ADARB2: variants seen among roughly 807,000 people sequenced by gnomAD.
ADARB2 encodes the protein inactive double-stranded RNA-specific editase B2.
A neutral mutation model predicts 62.2 loss-of-function variants in ADARB2; 25 were observed. The observed-to-expected ratio is 0.40, with a 90% CI of 0.29 to 0.56. ADARB2 has a LOEUF of 0.56. Among genes scored for constraint, ADARB2 ranks in the 20% least tolerant of loss-of-function variants. The pLI is 0.43. For missense variants in ADARB2, 1,071 were observed against 1,077.4 expected, an observed-to-expected ratio of 0.99 and a Z score of 0.08; for synonymous variants, 572 against 500.8, an observed-to-expected ratio of 1.14 and a Z score of -1.90.
Position 1,557,363 on chromosome 10 carries a change from G to A in ADARB2, c.101-178203C>T, listed in dbSNP as rs567380877. ...CCCTGGCAGCTCCAACTCTCAACCC[G>A]TCAGCCAGGCTCCTTGAAACCTGGC... is the stretch of plus-strand genomic sequence containing the variant. On this transcript the variant is annotated intron_variant, in intron 1 of 9. Coordinates refer to ENST00000381312, the MANE Select transcript of ADARB2 (RefSeq NM_018702.4). Among the ~76,000 whole-genome samples the A allele has an allele frequency of 1.6e-4, 24 of 152,198 alleles. No homozygotes were observed. The East Asian group carries it at 3.5e-3, about 22-fold the overall frequency.
chr10:1,477,726 T>G lies in ADARB2; in HGVS notation c.101-98566A>C, dbSNP rs1831421105. On this transcript the variant is annotated intron_variant, in intron 1 of 9. Transcript: ENST00000381312. The surrounding 1 kb of genome is among the most constrained non-coding windows in gnomAD (Gnocchi z 4.5). ...GGTGCTTAATTTTCAGAGAATGCCT[T>G]CGTGACTATTTCCCTTAGACATAAA... Among the ~76,000 whole-genome samples the G allele has an allele frequency of 6.6e-6, 1 of 152,230 alleles. No homozygotes were observed. Among genetic ancestry groups the G allele is most frequent in the South Asian group, 2.1e-4 (1 of 4,834 alleles).
At chr10:1,654,062 T>C (rs1360002655) in intron 1 of ADARB2, among the ~76,000 whole-genome samples, 1 of 152,032 alleles carries the variant, frequency 6.6e-6, no homozygotes, top group Non-Finnish European at 1.5e-5. Flanking sequence ...CAGCATCCGA[T>C]GCTCCTGCCT....
chr10:1,363,838 G>T lies in ADARB2; in HGVS notation c.267C>A (p.Ala89=), dbSNP rs1296393903. Residue 89 remains alanine, a synonymous_variant, in exon 3 of 10, where the codon GCC becomes GCA. Transcript: ENST00000381312. ...AARPPPSGDR[A]RGGAPGAKRK... ...TCTTCGCGCCGGGCGCGCCGCCCCG[G>T]GCCCGGTCCCCGGAGGGCGGTGGCC... 6.4e-6 allele frequency: 10 copies of T among 1,560,174 alleles called. No homozygotes were observed. Among genetic ancestry groups the T allele is most frequent in the Non-Finnish European group, 8.6e-6 (10 of 1,160,444 alleles).
intron 1 of ADARB2, among the ~76,000 whole-genome samples, chr10:1,641,319 A>T (rs1222696856): frequency 2.0e-5 from 3 of 152,222 alleles, no homozygotes; most frequent in Non-Finnish European, 2.9e-5. Flanking sequence ...GTGTGTTTCC[A>T]CTTTGACCTG....
chr10:1,195,280 T>A (rs1399055774), intron 8 of ADARB2, among the ~76,000 whole-genome samples: 2 of 151,924 alleles, frequency 1.3e-5, no homozygotes, highest in Admixed American at 1.3e-4. Context: ...CCTGCCAACA[T>A]CTCCCACCAT....
chr10:1,612,348 A>G (rs759516089), intron 1 of ADARB2, among the ~76,000 whole-genome samples: 1 of 152,240 alleles, frequency 6.6e-6, no homozygotes, highest in Non-Finnish European at 1.5e-5. Flanking sequence ...CTCCCCAGCC[A>G]GGACCCGAGG....
intron 7 of ADARB2, among the ~76,000 whole-genome samples, chr10:1,205,396 C>T (rs561443985): frequency 9.7e-6 from 1 of 103,122 alleles, no homozygotes; most frequent in African/African-American, 2.9e-5. Context: ...GCCCGTGGCA[C>T]AGCCTGAGGG....
At chr10:1,359,440 GA>G (rs1832228873) in intron 3 of ADARB2, among the ~76,000 whole-genome samples, 2 of 152,308 alleles carry the variant, frequency 1.3e-5, no homozygotes, top group South Asian at 4.1e-4. Flanking sequence ...AGGAAATAGT[GA>G]AAATCAGATA....
intron 8 of ADARB2, among the ~76,000 whole-genome samples, chr10:1,190,754 A>G (rs539457945): frequency 6.6e-6 from 1 of 152,354 alleles, no homozygotes; most frequent in African/African-American, 2.4e-5. Context: ...AGGTGGCTGC[A>G]GGCAGGACCC....
Position 1,180,845 on chromosome 10 carries a change from A to G in ADARB2, c.*2348T>C, listed in dbSNP as rs1297199636. 6.6e-6 allele frequency: 1 copy of G among 152,214 alleles called. No individual in the cohort carries two copies. Among genetic ancestry groups the G allele is most frequent in the East Asian group, 1.9e-4 (1 of 5,196 alleles). 9.4% of individuals were successfully genotyped at this position (152,214 alleles called of 1,614,324 possible). ...ATACACGAATCCATACACTTGTACT[A>G]ATGGGTAGCATGGAATTAATGTGTG... On this transcript the variant is annotated 3_prime_UTR_variant, in exon 10 of 10. Transcript: ENST00000381312.
intron 1 of ADARB2, among the ~76,000 whole-genome samples, chr10:1,552,044 G>A (rs896051346): frequency 2.6e-5 from 4 of 151,966 alleles, no homozygotes; most frequent in Admixed American, 6.5e-5. Context: ...CCTCCCGCAT[G>A]TGGCCTGAGC....
chr10:1,378,724 G>A (rs991929895), intron 2 of ADARB2, among the ~76,000 whole-genome samples: 6 of 152,198 alleles, frequency 3.9e-5, no homozygotes, highest in Non-Finnish European at 7.3e-5. Context: ...TGGGACCACA[G>A]GTGAGGATGA....
At chr10:1,355,083 G>A (rs560275005) in intron 3 of ADARB2, among the ~76,000 whole-genome samples, 1 of 152,302 alleles carries the variant, frequency 6.6e-6, no homozygotes, top group African/African-American at 2.4e-5. Flanking sequence ...ATGATGCCCA[G>A]GTATGTGTCC....
chr10:1,682,762 G>T (rs1000730229), intron 1 of ADARB2, among the ~76,000 whole-genome samples: 1 of 152,206 alleles, frequency 6.6e-6, no homozygotes, highest in African/African-American at 2.4e-5. Context: ...TACGGTGACT[G>T]TAAGAAATTT....
intron 1 of ADARB2, among the ~76,000 whole-genome samples, chr10:1,689,148 A>C (rs1443031042): frequency 2.0e-5 from 3 of 152,204 alleles, no homozygotes; most frequent in South Asian, 4.1e-4. Flanking sequence ...CAGGAGATGA[A>C]GGCTTGCTGG....
chr10:1,414,599 G>A (rs1262670250), intron 1 of ADARB2, among the ~76,000 whole-genome samples: 1 of 152,238 alleles, frequency 6.6e-6, no homozygotes, highest in African/African-American at 2.4e-5. Flanking sequence ...AATGCAACAT[G>A]CCCTTTCAAC....
chr10:1,266,120 C>G (rs868472534), intron 4 of ADARB2, among the ~76,000 whole-genome samples: 3 of 150,596 alleles, frequency 2.0e-5, no homozygotes, highest in Non-Finnish European at 4.4e-5. Flanking sequence ...ACGGCCTGAG[C>G]CAGGTCCACG....
At chr10:1,408,343 A>G (rs1410216903) in intron 1 of ADARB2, among the ~76,000 whole-genome samples, 3 of 152,238 alleles carry the variant, frequency 2.0e-5, no homozygotes, top group Non-Finnish European at 4.4e-5. Context: ...CAGTGTTTTT[A>G]GATATTGTGT....
chr10:1,627,209 G>A (rs546248790), intron 1 of ADARB2, among the ~76,000 whole-genome samples: 9 of 151,928 alleles, frequency 5.9e-5, no homozygotes, highest in Admixed American at 1.3e-4. Flanking sequence ...GGGGCTTGAC[G>A]AGCCTCGGAT....
Sources: allele counts gnomAD v4.1 joint callset (sites outside exome capture counted in the v4.1 genomes callset), GRCh38; gene constraint gnomAD v4.1.1; non-coding constraint Gnocchi (gnomAD v3.1); transcripts MANE v1.5; gene names NCBI Gene and HGNC (gene_info 2026-07-23, HGNC 2026-07-21).